GLG1: variants seen among roughly 807,000 people sequenced by gnomAD.
The protein encoded by GLG1 is golgi glycoprotein 1.
GLG1 carries 38 observed loss-of-function variants against 160.5 expected under a neutral mutation model. That is an observed-to-expected ratio of 0.24 (90% CI 0.18 to 0.31). The LOEUF is 0.31. Among genes scored for constraint, GLG1 ranks in the 10% least tolerant of loss-of-function variants. The pLI, the probability that GLG1 is intolerant of heterozygous loss-of-function variation, is 1.00. For missense variants in GLG1, 1,373 were observed against 1,505.2 expected (o/e 0.91, Z 1.45); for synonymous variants, 644 against 543.4 (o/e 1.19, Z -2.57).
intron 2 of GLG1, 75 bp downstream of exon 2, chr16:74,532,046 A>G: frequency 1.7e-6 from 1 of 586,846 alleles, no homozygotes; most frequent in Non-Finnish European, 2.9e-6. Flanking sequence ...TCCCAGAACA[A>G]CAGGAAGAGC....
intron 2 of GLG1, among the ~76,000 whole-genome samples, chr16:74,519,228 C>T (rs566536633): frequency 6.6e-6 from 1 of 151,574 alleles, no homozygotes; most frequent in Non-Finnish European, 1.5e-5. Context: ...AGCAAACTAT[C>T]ACAAGATCAG....
chr16:74,544,424 C>T (rs2017985816), intron 1 of GLG1, among the ~76,000 whole-genome samples: 1 of 152,032 alleles, frequency 6.6e-6, no homozygotes, highest in Admixed American at 6.5e-5. Flanking sequence ...CGCGAATCTC[C>T]TGCTTCGTGT....
chr16:74,470,681 CAG>C (rs1384824313), intron 15 of GLG1, among the ~76,000 whole-genome samples: 7 of 152,112 alleles, frequency 4.6e-5, no homozygotes, highest in Non-Finnish European at 1.0e-4. Flanking sequence ...TTCCTGACCT[CAG>C]GTGATCAGCC....
chr16:74,556,493 C>T (rs898273989), intron 1 of GLG1, among the ~76,000 whole-genome samples: 2 of 151,912 alleles, frequency 1.3e-5, no homozygotes, highest in Admixed American at 1.3e-4. Context: ...CTAATACACT[C>T]TGGGGCAACC....
chr16:74,573,737 C>G (rs2018905470), intron 1 of GLG1, among the ~76,000 whole-genome samples: 1 of 151,694 alleles, frequency 6.6e-6, no homozygotes, highest in Non-Finnish European at 1.5e-5. Context: ...ATTTTCCCAC[C>G]CTGGCCTCCC....
chr16:74,567,594 C>G (rs1265240716), intron 1 of GLG1, among the ~76,000 whole-genome samples: 3 of 117,334 alleles, frequency 2.6e-5, no homozygotes, highest in Admixed American at 1.2e-4. Flanking sequence ...CGGAGTCTCG[C>G]TCTGTCGCCC....
intron 1 of GLG1, among the ~76,000 whole-genome samples, chr16:74,553,746 T>C (rs997389507): frequency 3.9e-5 from 6 of 152,198 alleles, no homozygotes; most frequent in African/African-American, 1.4e-4. Flanking sequence ...GTGCTGGGAT[T>C]ACAGGCTTGA....
intron 1 of GLG1, among the ~76,000 whole-genome samples, chr16:74,541,363 A>G (rs149583466): frequency 0.13 from 18,999 of 150,254 alleles, 1,658 homozygotes; most frequent in Admixed American, 0.24. Context: ...TCAGCTACTC[A>G]TGGTATTTTT....
intron 10 of GLG1, among the ~76,000 whole-genome samples, chr16:74,482,231 A>C (rs1240749211): frequency 6.6e-6 from 1 of 152,018 alleles, no homozygotes; most frequent in African/African-American, 2.4e-5. Flanking sequence ...GCCTCAAGCT[A>C]TCCCCCTGCC....
rs1317432462 is a variant in GLG1, at chr16:74,530,172, T to C, written c.471+1949A>G. 2.6e-5 allele frequency among the ~76,000 whole-genome samples: 4 copies of C among 152,224 alleles called. No homozygotes were observed. In the South Asian group the frequency reaches 8.3e-4, roughly 32 times the overall value. The stretch of plus-strand genomic sequence containing the variant: ...TTTCTCTTCTGTCAGATTCAGTCTA[T>C]TGATGGATTTTGAGGTTTTCCCCTA... On this transcript the variant is annotated intron_variant, in intron 2 of 25. Transcript: ENST00000422840.
chr16:74,580,597 G>A (rs1043325357), intron 1 of GLG1, among the ~76,000 whole-genome samples: 2 of 152,100 alleles, frequency 1.3e-5, no homozygotes, highest in Non-Finnish European at 2.9e-5. Context: ...TAGGAGAAAA[G>A]CTTCATGACA....
intron 19 of GLG1, 53 bp from the exon 20 acceptor site, chr16:74,463,532 C>A: frequency 6.4e-7 from 1 of 1,573,590 alleles, no homozygotes; most frequent in South Asian, 1.1e-5. Context: ...CGATTAACTC[C>A]ATCTGCGACC....
intron 22 of GLG1, 80 bp from the exon 23 acceptor site, chr16:74,459,869 T>TA: frequency 2.8e-6 from 2 of 726,874 alleles, no homozygotes; most frequent in Non-Finnish European, 4.5e-6. Context: ...TTTTTTTTAT[T>TA]TTTTGAAACA....
intron 18 of GLG1, among the ~76,000 whole-genome samples, chr16:74,467,406 C>T (rs1014916195): frequency 6.6e-6 from 1 of 152,160 alleles, no homozygotes; most frequent in African/African-American, 2.4e-5. Flanking sequence ...GCAATGGGAA[C>T]ACAGTGAAGT....
intron 1 of GLG1, among the ~76,000 whole-genome samples, chr16:74,573,350 C>T (rs939809509): frequency 3.3e-5 from 5 of 151,932 alleles, no homozygotes; most frequent in African/African-American, 1.2e-4. Context: ...TTAAAAATTG[C>T]TTTTTAAGTA....
intron 4 of GLG1, among the ~76,000 whole-genome samples, chr16:74,500,435 T>C (rs1037760284): frequency 6.6e-6 from 1 of 151,230 alleles, no homozygotes; most frequent in Non-Finnish European, 1.5e-5. Flanking sequence ...TTCTTCCCCA[T>C]ATTCCGTGTC....
intron 2 of GLG1, among the ~76,000 whole-genome samples, chr16:74,519,334 G>T (rs2017085056): frequency 7.1e-6 from 1 of 141,272 alleles, no homozygotes; most frequent in African/African-American, 2.7e-5. Flanking sequence ...GGGGCCTTTT[G>T]GGGGTGGGGG....
rs1046047287 is a variant in GLG1, at chr16:74,463,539, G to A, written c.2668-60C>T. On this transcript the variant is annotated intron_variant, in intron 19 of 25. Transcript: ENST00000422840. ...AAACATGGCGATTAACTCCATCTGC[G>A]ACCACTTTTTTTTTTCTGGAGACGG... 5.8e-5 allele frequency: 91 copies of A among 1,561,768 alleles called. No homozygotes were observed. In the African/African-American group the frequency reaches 8.2e-4, roughly 14 times the overall value.
At chr16:74,524,501 T>A (rs1193576263) in intron 2 of GLG1, among the ~76,000 whole-genome samples, 1 of 152,094 alleles carries the variant, frequency 6.6e-6, no homozygotes, top group East Asian at 1.9e-4. Flanking sequence ...GTTAAAGAAT[T>A]ATGGTATTTT....
Sources: gnomAD v4.1 joint callset for allele counts (sites outside exome capture counted in the v4.1 genomes callset) on GRCh38, gnomAD v4.1.1 for gene constraint, MANE v1.5 for transcripts, NCBI Gene and HGNC (gene_info 2026-07-23, HGNC 2026-07-21) for gene names.